Variants in SLC9A6 observed in about 807,000 individuals in gnomAD.
SLC9A6 encodes the protein solute carrier family 9 member A6.
Under a neutral mutation model 45.3 loss-of-function variants are expected in SLC9A6, and 6 were observed. The observed-to-expected ratio is 0.13, with a 90% confidence interval of 0.07 to 0.26. The LOEUF (loss-of-function observed/expected upper bound fraction) is 0.26, where lower values mean the gene tolerates loss of function less well. Among genes scored for constraint, SLC9A6 ranks in the 10% least tolerant of loss-of-function variants. The probability of loss-of-function intolerance (pLI) is 1.00; values close to 1 mark genes in which losing one functional copy is unlikely to be tolerated. For missense variants in SLC9A6, 278 were observed against 503.7 expected (o/e 0.55, Z 4.29); for synonymous variants, 191 against 187.7 (o/e 1.02, Z -0.14).
intron 7 of SLC9A6, among the ~76,000 whole-genome samples, chrX:136,004,973 CAAAGT>C (rs1290406110): frequency 4.5e-5 from 5 of 112,281 alleles, no homozygotes; most frequent in African/African-American, 1.3e-4. Context: ...ACCAGCACTA[CAAAGT>C]AAAGAGAGTA....
intron 6 of SLC9A6, among the ~76,000 whole-genome samples, chrX:136,000,921 G>C (rs150729923): frequency 2.7e-5 from 3 of 111,154 alleles, no homozygotes; most frequent in African/African-American, 9.8e-5. Flanking sequence ...GGGGTTTGAG[G>C]CTGCAGTGAA....
At chrX:135,979,951 A>G (rs782188404) in intron 1 of SLC9A6, among the ~76,000 whole-genome samples, 1 of 110,669 alleles carries the variant, frequency 9.0e-6, no homozygotes, top group South Asian at 3.8e-4. Context: ...TTTTTAGTAG[A>G]TATAGGGTTT....
At chrX:136,032,772 A>G (rs1286327439) in intron 15 of SLC9A6, among the ~76,000 whole-genome samples, 7 of 112,525 alleles carry the variant, frequency 6.2e-5, no homozygotes, top group African/African-American at 2.3e-4. Flanking sequence ...CGACTCCCAA[A>G]TATAGGGATG....
intron 17 of SLC9A6, 81 bp downstream of exon 17, chrX:136,040,262 A>G: frequency 2.6e-6 from 2 of 759,898 alleles, no homozygotes; most frequent in Admixed American, 5.6e-5. Context: ...GTTTTATTTT[A>G]TTTTGGTTTG....
intron 3 of SLC9A6, among the ~76,000 whole-genome samples, chrX:135,995,365 C>T (rs1373055596): frequency 9.0e-6 from 1 of 110,931 alleles, no homozygotes; most frequent in Non-Finnish European, 1.9e-5. Flanking sequence ...ACTCTGTCAC[C>T]CAGGTAGAGT....
intron 6 of SLC9A6, among the ~76,000 whole-genome samples, chrX:136,001,703 C>G (rs1472044756): frequency 8.9e-6 from 1 of 111,977 alleles, no homozygotes; most frequent in African/African-American, 3.2e-5. Context: ...GTTGTAAGGC[C>G]CAAAGAAACA....
chrX:136,016,632 A>C lies in SLC9A6; in HGVS notation c.1081-13A>C, dbSNP rs781927478. Reference sequence around the variant, plus strand: ...TTTATTTGCTGGACTAATCTTTTACAATTTCGTTTCAGTTGTTTGAGCTTC... The same window carrying C: ...TTTATTTGCTGGACTAATCTTTTACCATTTCGTTTCAGTTGTTTGAGCTTC... On this transcript the variant is annotated splice_polypyrimidine_tract_variant and intron_variant, in intron 10 of 17. Coordinates refer to ENST00000630721, the MANE Select transcript of SLC9A6 (RefSeq NM_001379110.1). 1.1e-6 allele frequency: 1 copy of C among 943,169 alleles called. No individual in the cohort carries two copies. The highest frequency in any genetic ancestry group is 1.9e-5 in the South Asian group (1 of 51,451). 77.7% of individuals were successfully genotyped at this position (943,169 alleles called of 1,213,427 possible). A position where few individuals can be genotyped will look rare whatever the true frequency, so the allele number is the denominator to read the frequency against.
chrX:135,997,046 T>G lies in SLC9A6; in HGVS notation c.370-1062T>G, dbSNP rs187799003. On this transcript the variant is annotated intron_variant, in intron 3 of 17. Transcript: ENST00000630721. ...CTCCCAAAGTGCTGGGATTACAGGC[T>G]TGAGCCACCACGCCTGGCCTCATTC... Among the ~76,000 whole-genome samples, 859 of 106,949 alleles carry G rather than the reference T, an allele frequency of 8.0e-3. 8 individuals carry two copies. Among genetic ancestry groups the G allele is most frequent in the Admixed American group, 0.033 (329 of 10,080 alleles). The allele number at this position is 106,949 out of a possible 115,157, so 92.9% of individuals were successfully genotyped here.
Position 135,998,486 on chromosome X carries a change from AT to A in SLC9A6, c.459del (p.Arg154GlufsTer7). The A allele has an allele frequency of 3.5e-6, 4 of 1,147,567 alleles. No homozygotes were observed. The highest frequency in any genetic ancestry group is 3.1e-5 in the East Asian group (1 of 32,554). 94.6% of individuals were successfully genotyped at this position (1,147,567 alleles called of 1,213,427 possible). A position where few individuals can be genotyped will look rare whatever the true frequency, so the allele number is the denominator to read the frequency against. ...TAACTTTTTTTTTTTTGTCAGAGAC[AT>A]TTTTTTCGAAATCTTGGGTCTATCC... ...FYAGYSLKRRHFFRNLGSILA... is the reference protein window; with the variant it reads ...FYAGYSLKRRXFFRNLGSILA... On this transcript the variant is annotated frameshift_variant, in exon 5 of 18. Transcript: ENST00000630721. LOFTEE classifies it high-confidence loss of function.
In SLC9A6 at chrX:136,023,187, A is replaced by ATGTATG. The variant is rs2071166399; in HGVS notation, c.1306+491_1306+492insGTATGT. On this transcript the variant is annotated intron_variant, in intron 12 of 17. Transcript: ENST00000630721. ...TGTATATATATATATATATATATAT[A>ATGTATG]TATATATATATATATATATATATAT... Among the ~76,000 whole-genome samples, 2 of 37,152 alleles carry ATGTATG rather than the reference A, an allele frequency of 5.4e-5. 1 individual carries two copies. Among genetic ancestry groups the ATGTATG allele is most frequent in the African/African-American group, 3.0e-4 (2 of 6,598 alleles). 32.3% of individuals were successfully genotyped at this position (37,152 alleles called of 115,157 possible). A position where few individuals can be genotyped will look rare whatever the true frequency, so the allele number is the denominator to read the frequency against.
chrX:136,006,317 T>A (rs2089654741), intron 7 of SLC9A6, among the ~76,000 whole-genome samples: 1 of 109,963 alleles, frequency 9.1e-6, no homozygotes, highest in African/African-American at 3.3e-5. Context: ...TTTTCCCAAC[T>A]TTTATTTTAA....
chrX:136,004,245 T>C (rs2089623968), intron 7 of SLC9A6, among the ~76,000 whole-genome samples: 1 of 108,877 alleles, frequency 9.2e-6, no homozygotes, highest in South Asian at 4.1e-4. Context: ...TGTGCCACCA[T>C]GCCTGGCTCA....
intron 13 of SLC9A6, among the ~76,000 whole-genome samples, chrX:136,027,949 A>G (rs1556620712): frequency 8.9e-6 from 1 of 112,150 alleles, no homozygotes; most frequent in Non-Finnish European, 1.9e-5. Context: ...TTTACTACAC[A>G]TGCTTTGCAC....
chrX:135,992,154 T>C (rs952306), intron 2 of SLC9A6, among the ~76,000 whole-genome samples: 8,188 of 111,719 alleles, frequency 0.073, 322 homozygotes, highest in African/African-American at 0.16. Flanking sequence ...TCATTGAATG[T>C]CCTTGTTATC....
chrX:136,013,182 C>G, intron 9 of SLC9A6, 128 bp downstream of exon 9: 1 of 699,736 alleles, frequency 1.4e-6, no homozygotes, highest in Non-Finnish European at 2.3e-6. Flanking sequence ...TAGGTTGTTG[C>G]TTTAGAACAT....
chrX:136,012,237 A>G (rs1258883795), intron 8 of SLC9A6, among the ~76,000 whole-genome samples: 2 of 113,098 alleles, frequency 1.8e-5, no homozygotes, highest in African/African-American at 6.4e-5. Context: ...GGCTTTTTAT[A>G]AGTGAACTGA....
intron 7 of SLC9A6, among the ~76,000 whole-genome samples, chrX:136,008,330 G>A (rs1556618228): frequency 9.0e-6 from 1 of 111,209 alleles, no homozygotes; most frequent in African/African-American, 3.3e-5. Flanking sequence ...CCACCTCCCG[G>A]GTTCATGAGG....
chrX:136,014,680 G>A (rs782599544), intron 10 of SLC9A6, among the ~76,000 whole-genome samples: 68 of 112,740 alleles, frequency 6.0e-4, no homozygotes, highest in African/African-American at 2.0e-3. Context: ...TAGAAGAATC[G>A]CTTGAACCCG....
chrX:136,018,787 G>GTT lies in SLC9A6; in HGVS notation c.1194+2041_1194+2042dup, dbSNP rs782791032. On this transcript the variant is annotated intron_variant, in intron 11 of 17. Transcript: ENST00000630721. ...GATTCTGCCAAAGAGATTAGTGGAA[G>GTT]TTTTTTTTTTTTTAATTAAAACTCT... 8.8e-5 allele frequency among the ~76,000 whole-genome samples: 9 copies of GTT among 102,650 alleles called. No homozygotes were observed. The South Asian group carries it at 1.3e-3, about 15-fold the overall frequency. The allele number at this position is 102,650 out of a possible 115,157, so 89.1% of individuals were successfully genotyped here. A position where few individuals can be genotyped will look rare whatever the true frequency, so the allele number is the denominator to read the frequency against.
Sources: allele counts gnomAD v4.1 joint callset (sites outside exome capture counted in the v4.1 genomes callset), GRCh38; gene constraint gnomAD v4.1.1; transcripts MANE v1.5; gene names NCBI Gene and HGNC (gene_info 2026-07-23, HGNC 2026-07-21).